ZNF254: variants seen among roughly 807,000 people sequenced by gnomAD.
ZNF254 encodes the protein zinc finger protein 254.
Under a neutral mutation model 12.4 loss-of-function variants are expected in ZNF254, and 10 were observed. The ratio of observed to expected loss-of-function variants is 0.80; its 90% CI spans 0.50 to 1.36. ZNF254 has a LOEUF of 1.36. ZNF254 is among the 40% of genes most tolerant of loss of function. The pLI is 0.00. For synonymous variants in ZNF254, 305 were observed against 253.4 expected, an observed-to-expected ratio of 1.20 and a Z score of -1.93; for missense variants, 996 against 763.9, an observed-to-expected ratio of 1.30 and a Z score of -3.58.
chr19:24,105,762 C>G, intron 1 of ZNF254, 178 bp from the exon 2 acceptor site: 1 of 1,043,942 alleles, frequency 9.6e-7, no homozygotes, highest in Non-Finnish European at 1.3e-6. Flanking sequence ...ACTCTATTTT[C>G]TCAGAGTTAG....
At chr19:24,106,735 C>A in intron 3 of ZNF254, 92 bp downstream of exon 3, 1 of 1,162,400 alleles carries the variant, frequency 8.6e-7, no homozygotes. Context: ...AAGCTGTGAT[C>A]CAAAGGAAAT....
chr19:24,052,695 T>G (rs1471688056), intron 2 of ZNF254, among the ~76,000 whole-genome samples: 1 of 152,172 alleles, frequency 6.6e-6, no homozygotes, highest in Non-Finnish European at 1.5e-5. Flanking sequence ...GTGTGACACT[T>G]CTGCCCTATC....
intron 2 of ZNF254, among the ~76,000 whole-genome samples, chr19:24,067,683 T>G (rs181925942): frequency 6.6e-6 from 1 of 152,050 alleles, no homozygotes; most frequent in Admixed American, 6.5e-5. Flanking sequence ...ATGCAGCATT[T>G]AGGTGATACG....
At chr19:24,105,897 G>C (rs371595132) in intron 1 of ZNF254, 43 bp from the exon 2 acceptor site, 3 of 1,560,534 alleles carry the variant, frequency 1.9e-6, no homozygotes, top group African/African-American at 2.7e-5. Flanking sequence ...AAATTCTGCC[G>C]ATAGCCACTT....
intron 1 of ZNF254, among the ~76,000 whole-genome samples, chr19:24,093,502 A>G (rs1055864293): frequency 6.6e-6 from 1 of 152,132 alleles, no homozygotes; most frequent in African/African-American, 2.4e-5. Context: ...TCAATCTTCT[A>G]CATAGTGCTT....
chr19:24,049,310 T>C (rs928390360), intron 2 of ZNF254: 1 of 149,574 alleles, frequency 6.7e-6, no homozygotes, highest in African/African-American at 2.5e-5. Context: ...GGGCTCAAAG[T>C]ATCCTCCCGC....
At chr19:24,067,799 T>A (rs1971331721) in intron 2 of ZNF254, among the ~76,000 whole-genome samples, 1 of 152,006 alleles carries the variant, frequency 6.6e-6, no homozygotes, top group South Asian at 2.1e-4. Context: ...ACCCTACAAA[T>A]ATTTTGCATT....
At chr19:24,126,204 A>T in intron 3 of ZNF254, 50 bp from the exon 4 acceptor site, 4 of 1,241,852 alleles carry the variant, frequency 3.2e-6, no homozygotes, top group African/African-American at 3.1e-5. Flanking sequence ...AACTATATTC[A>T]TGTGAGTCTA....
At chr19:24,123,773 G>A (rs991542167) in intron 3 of ZNF254, among the ~76,000 whole-genome samples, 1 of 152,026 alleles carries the variant, frequency 6.6e-6, no homozygotes, top group African/African-American at 2.4e-5. Context: ...GATGTAGCTT[G>A]TGTAAGATTA....
chr19:24,071,589 T>C (rs901348751), intron 2 of ZNF254, among the ~76,000 whole-genome samples: 2 of 152,206 alleles, frequency 1.3e-5, no homozygotes, highest in African/African-American at 4.8e-5. Context: ...CTAATTTAGG[T>C]AGACTGCTGC....
At chr19:24,118,682 C>T (rs1189476183) in intron 3 of ZNF254, among the ~76,000 whole-genome samples, 1 of 151,844 alleles carries the variant, frequency 6.6e-6, no homozygotes, top group East Asian at 1.9e-4. Context: ...TGTTTACTTA[C>T]ATATGCAGAA....
intron 2 of ZNF254, among the ~76,000 whole-genome samples, chr19:24,081,731 G>T (rs895856747): frequency 6.6e-6 from 1 of 152,230 alleles, no homozygotes; most frequent in African/African-American, 2.4e-5. Context: ...CGTGTAAAGG[G>T]TTTAAATATT....
At chr19:24,093,230 A>G (rs1043917922) in intron 1 of ZNF254, among the ~76,000 whole-genome samples, 1 of 151,932 alleles carries the variant, frequency 6.6e-6, no homozygotes. Flanking sequence ...ATTTCCTATT[A>G]TTCTGTTGGT....
intron 1 of ZNF254, among the ~76,000 whole-genome samples, chr19:24,034,676 C>A (rs1357780194): frequency 6.6e-6 from 1 of 151,808 alleles, no homozygotes; most frequent in Non-Finnish European, 1.5e-5. Flanking sequence ...GGGGTTTCAC[C>A]ATTTTGGCCA....
chr19:24,091,516 A>C (rs1345877414), intron 1 of ZNF254, among the ~76,000 whole-genome samples: 1 of 151,970 alleles, frequency 6.6e-6, no homozygotes, highest in Non-Finnish European at 1.5e-5. Flanking sequence ...TTTGAGATAA[A>C]GAGTTGCACT....
intron 2 of ZNF254, among the ~76,000 whole-genome samples, chr19:24,071,594 T>G (rs1313766636): frequency 6.6e-6 from 1 of 152,238 alleles, no homozygotes; most frequent in African/African-American, 2.4e-5. Flanking sequence ...TTAGGTAGAC[T>G]GCTGCATGGA....
chr19:24,054,068 A>G (rs1185766006), intron 2 of ZNF254, among the ~76,000 whole-genome samples: 2 of 151,790 alleles, frequency 1.3e-5, no homozygotes, highest in Non-Finnish European at 2.9e-5. Context: ...ATATCCCTGG[A>G]ACCAGACACC....
Position 24,127,313 on chromosome 19 carries a change from A to T in ZNF254, c.1313A>T (p.Glu438Val), listed in dbSNP as rs1974944284. ...HTGEKPYKCEECGKAFIWSST... is the reference protein window; with the variant it reads ...HTGEKPYKCEVCGKAFIWSST... ...GGAGAGAAACCTTACAAGTGTGAAGAATGTGGCAAAGCATTTATCTGGTCC... is the reference window on the plus strand; with the variant it reads ...GGAGAGAAACCTTACAAGTGTGAAGTATGTGGCAAAGCATTTATCTGGTCC... Residue 438 changes from glutamate to valine, a missense_variant, in exon 4 of 4, where the codon GAA becomes GTA. Glu to Val is a moderately radical substitution (Grantham distance 121, BLOSUM62 -2). Coordinates refer to ENST00000357002, the MANE Select transcript of ZNF254 (RefSeq NM_203282.4). 6.2e-7 allele frequency: 1 copy of T among 1,613,810 alleles called. No individual in the cohort carries two copies. Among genetic ancestry groups the T allele is most frequent in the Non-Finnish European group, 8.5e-7 (1 of 1,179,864 alleles).
rs150171261 is a variant in ZNF254, at chr19:24,063,238, G to T, written c.-94+16959G>T. Among the ~76,000 whole-genome samples the T allele has an allele frequency of 1.3e-3, 200 of 152,320 alleles. 1 individual carries two copies. Among genetic ancestry groups the T allele is most frequent in the African/African-American group, 4.6e-3 (193 of 41,568 alleles). On this transcript the variant is annotated intron_variant, in intron 2 of 4. Transcript: ENST00000613065. The stretch of plus-strand genomic sequence containing the variant: ...CTTGACTCAGGACATGAGTGTAATT[G>T]TTAATGTCATCACAAGACCTTTCTA...
Sources: allele counts gnomAD v4.1 joint callset (sites outside exome capture counted in the v4.1 genomes callset), GRCh38; gene constraint gnomAD v4.1.1; transcripts MANE v1.5; gene names NCBI Gene and HGNC (gene_info 2026-07-23, HGNC 2026-07-21).